Variants in DCAF10 observed in about 807,000 individuals in gnomAD.
DCAF10 encodes DDB1 and CUL4 associated factor 10, also known as DDB1- and CUL4-associated factor 10.
Under a neutral mutation model 51.9 loss-of-function variants are expected in DCAF10, and 19 were observed. The observed-to-expected ratio is 0.37, with a 90% confidence interval of 0.26 to 0.54. The LOEUF is 0.54. DCAF10 is among the 20% of genes least tolerant of loss of function. The pLI is 0.87. For synonymous variants in DCAF10, 291 were observed against 297.1 expected, an observed-to-expected ratio of 0.98 and a Z score of 0.21; for missense variants, 510 against 730.6, an observed-to-expected ratio of 0.70 and a Z score of 3.48.
intron 3 of DCAF10, among the ~76,000 whole-genome samples, chr9:37,849,153 C>A (rs529292233): frequency 1.3e-5 from 2 of 152,012 alleles, no homozygotes; most frequent in African/African-American, 4.8e-5. Flanking sequence ...AAGATTTCTC[C>A]TTAAAATCTG....
intron 1 of DCAF10, among the ~76,000 whole-genome samples, chr9:37,802,985 T>G (rs1001059827): frequency 6.6e-6 from 1 of 152,184 alleles, no homozygotes; most frequent in African/African-American, 2.4e-5. Context: ...TTTTTGGATG[T>G]GGGATTTTAG....
At chr9:37,857,897 C>A (rs896687079) in intron 5 of DCAF10, among the ~76,000 whole-genome samples, 1 of 151,830 alleles carries the variant, frequency 6.6e-6, no homozygotes, top group African/African-American at 2.4e-5. Context: ...TTCCACCACA[C>A]CCCCCCAGTT....
Position 37,865,123 on chromosome 9 carries a change from A to C in DCAF10, c.*3615A>C, listed in dbSNP as rs1362883834. On this transcript the variant is annotated 3_prime_UTR_variant, in exon 7 of 7. Coordinates refer to ENST00000377724, the MANE Select transcript of DCAF10 (RefSeq NM_024345.5). ...GCTAGCTTACCGTGTGTATCATGTA[A>C]AAAAAATTCATAAGATTAACAATTT... 33 of 152,020 alleles carry C rather than the reference A, an allele frequency of 2.2e-4. No homozygotes were observed. The highest frequency in any genetic ancestry group is 2.0e-3 in the Admixed American group (31 of 15,264). The allele number at this position is 152,020 out of a possible 1,614,324, so 9.4% of individuals were successfully genotyped here. A position where few individuals can be genotyped will look rare whatever the true frequency, so the allele number is the denominator to read the frequency against.
chr9:37,810,838 A>G (rs1316470657), intron 1 of DCAF10, among the ~76,000 whole-genome samples: 1 of 152,104 alleles, frequency 6.6e-6, no homozygotes, highest in Non-Finnish European at 1.5e-5. Flanking sequence ...TCCGCAATTT[A>G]GGTTTGGGAT....
chr9:37,846,930 G>T (rs1036233747), intron 3 of DCAF10, among the ~76,000 whole-genome samples: 4 of 152,182 alleles, frequency 2.6e-5, no homozygotes, highest in African/African-American at 9.6e-5. Context: ...CTATTATCCT[G>T]ATACCAAAAC....
intron 1 of DCAF10, among the ~76,000 whole-genome samples, chr9:37,812,561 G>A (rs10973566): frequency 0.16 from 24,522 of 152,202 alleles, 2,118 homozygotes; most frequent in East Asian, 0.34. Flanking sequence ...AAGGAAAAAG[G>A]TGGAAGATCA....
chr9:37,855,129 TA>T lies in DCAF10; in HGVS notation c.1054+148del, dbSNP rs1830809742. The T allele has an allele frequency of 7.2e-6, 5 of 693,616 alleles. 1 individual carries two copies. The highest frequency in any genetic ancestry group is 1.2e-5 in the Non-Finnish European group (5 of 423,196). The allele number at this position is 693,616 out of a possible 1,614,324, so 43.0% of individuals were successfully genotyped here. ...TTTAGAAAGCTCATTGATGGGTTTT[TA>T]TCTAAGCAAGTATAATGATTTGTAT... On this transcript the variant is annotated intron_variant, in intron 4 of 6. Transcript: ENST00000377724.
intron 1 of DCAF10, among the ~76,000 whole-genome samples, chr9:37,808,063 T>C (rs965654833): frequency 1.3e-5 from 2 of 152,246 alleles, no homozygotes; most frequent in East Asian, 1.9e-4. Context: ...AATTTTCACA[T>C]ATGAGACCAC....
chr9:37,804,632 C>T (rs973593962), intron 1 of DCAF10, among the ~76,000 whole-genome samples: 14 of 151,866 alleles, frequency 9.2e-5, no homozygotes, highest in African/African-American at 2.7e-4. Flanking sequence ...CAAAACTAGC[C>T]GAGCGTGGTG....
chr9:37,825,985 AGATCGCGTCACT>A (rs748751049), intron 2 of DCAF10, among the ~76,000 whole-genome samples: 15 of 152,000 alleles, frequency 9.9e-5, no homozygotes, highest in Admixed American at 2.6e-4. Flanking sequence ...TAGTGAGCCG[AGATCGCGTCACT>A]GCACACCAGC....
chr9:37,832,903 TGACAGGGTCTTGCTCTGTTACCTA>T (rs1830048585), intron 2 of DCAF10, among the ~76,000 whole-genome samples: 1 of 152,052 alleles, frequency 6.6e-6, no homozygotes, highest in African/African-American at 2.4e-5. Flanking sequence ...TTTTGTTTTT[TGACAGGGTCTTGCTCTGTTACCTA>T]GACTAGGCTG....
intron 2 of DCAF10, among the ~76,000 whole-genome samples, chr9:37,825,950 G>A (rs1388162236): frequency 5.9e-5 from 9 of 152,028 alleles, no homozygotes; most frequent in South Asian, 4.2e-4. Flanking sequence ...CAGGAGAATC[G>A]CTGGAACCCA....
chr9:37,837,882 G>A (rs1201249290), intron 2 of DCAF10, among the ~76,000 whole-genome samples: 1 of 151,856 alleles, frequency 6.6e-6, no homozygotes, highest in Non-Finnish European at 1.5e-5. Flanking sequence ...TGATTAGCTG[G>A]GCATGGTGGC....
Position 37,865,654 on chromosome 9 carries a change from A to T in DCAF10, c.*4146A>T, listed in dbSNP as rs149673434. On this transcript the variant is annotated 3_prime_UTR_variant, in exon 7 of 7. Coordinates refer to ENST00000377724, the MANE Select transcript of DCAF10 (RefSeq NM_024345.5). ...AATGAGTTAGGGACATCAAATATAT[A>T]GTAGTTCCTTATTTTCAGTTGTGAA... The T allele has an allele frequency of 6.6e-6, 1 of 152,350 alleles. No homozygotes were observed. Among genetic ancestry groups the T allele is most frequent in the East Asian group, 1.9e-4 (1 of 5,192 alleles). 9.4% of individuals were successfully genotyped at this position (152,350 alleles called of 1,614,324 possible).
intron 1 of DCAF10, among the ~76,000 whole-genome samples, chr9:37,813,262 C>A (rs976435144): frequency 1.3e-5 from 2 of 152,010 alleles, no homozygotes; most frequent in East Asian, 3.9e-4. Flanking sequence ...CTATGCCTGG[C>A]CATTTTATTT....
intron 2 of DCAF10, among the ~76,000 whole-genome samples, chr9:37,830,961 G>A (rs1372751013): frequency 1.3e-5 from 2 of 152,230 alleles, no homozygotes; most frequent in African/African-American, 4.8e-5. Context: ...AGTGGCTCAT[G>A]CCTGTAATCC....
rs1038015609 is a variant in DCAF10, at chr9:37,836,463, G to A, written c.654-5626G>A. The A allele has an allele frequency of 8.9e-6, 11 of 1,240,902 alleles. No homozygotes were observed. The Admixed American group carries it at 1.2e-4, about 13-fold the overall frequency. 76.9% of individuals were successfully genotyped at this position (1,240,902 alleles called of 1,614,324 possible). A position where few individuals can be genotyped will look rare whatever the true frequency, so the allele number is the denominator to read the frequency against. ...GGGTGGGCCAGATGAGTATGTTTAA[G>A]TGGAGAGTGCTTCCAGCTGAGATGA... is the stretch of plus-strand genomic sequence containing the variant. On this transcript the variant is annotated intron_variant, in intron 2 of 6. Coordinates refer to ENST00000377724, the MANE Select transcript of DCAF10 (RefSeq NM_024345.5).
intron 1 of DCAF10, among the ~76,000 whole-genome samples, chr9:37,813,427 A>G (rs1405226709): frequency 1.3e-5 from 2 of 152,284 alleles, no homozygotes; most frequent in Non-Finnish European, 2.9e-5. Flanking sequence ...GAAAAGGGAC[A>G]TAGAACAGAC....
intron 2 of DCAF10, among the ~76,000 whole-genome samples, chr9:37,821,555 G>T (rs1829701143): frequency 6.6e-6 from 1 of 152,090 alleles, no homozygotes; most frequent in African/African-American, 2.4e-5. Flanking sequence ...TCAACAAATG[G>T]TGCTAGGATA....
Sources: allele counts gnomAD v4.1 joint callset (sites outside exome capture counted in the v4.1 genomes callset), GRCh38; gene constraint gnomAD v4.1.1; transcripts MANE v1.5; gene names NCBI Gene and HGNC (gene_info 2026-07-23, HGNC 2026-07-21).